The following COL24A1 variants were observed in gnomAD, a reference collection of about 807,000 sequenced individuals.
COL24A1 encodes collagen type XXIV alpha 1 chain.
COL24A1 carries 224 observed loss-of-function variants against 253.9 expected under a neutral mutation model. That is an observed-to-expected ratio of 0.88 (90% confidence interval 0.79 to 0.99). COL24A1 has a LOEUF of 0.99. Among genes scored for constraint, COL24A1 ranks in the 50% least tolerant of loss-of-function variants. COL24A1 has a pLI of 0.00. For synonymous variants in COL24A1, 685 were observed against 673.7 expected, an observed-to-expected ratio of 1.02 and a Z score of -0.26; for missense variants, 2,131 against 2,068.5, an observed-to-expected ratio of 1.03 and a Z score of -0.59.
chr1:85,913,362 C>T (rs1685559052), intron 24 of COL24A1, among the ~76,000 whole-genome samples: 2 of 152,070 alleles, frequency 1.3e-5, no homozygotes, highest in Admixed American at 6.6e-5. Flanking sequence ...AATCAGTGTC[C>T]AATATATGGT....
At chr1:85,889,732 T>C (rs773378874) in intron 31 of COL24A1, 119 bp from the exon 32 acceptor site, 305 of 167,432 alleles carry the variant, frequency 1.8e-3, no homozygotes, top group Non-Finnish European at 3.0e-3. Context: ...ATTGCTATTC[T>C]TTTTTTTTTT....
chr1:85,988,593 A>AAAGTAAAAG (rs1286437143), intron 19 of COL24A1, among the ~76,000 whole-genome samples: 1 of 152,090 alleles, frequency 6.6e-6, no homozygotes. Flanking sequence ...GTGAAGGAAA[A>AAAGTAAAAG]AAGTAAAAGA....
intron 24 of COL24A1, among the ~76,000 whole-genome samples, chr1:85,955,571 A>C (rs1027049202): frequency 6.6e-6 from 1 of 152,236 alleles, no homozygotes; most frequent in African/African-American, 2.4e-5. Flanking sequence ...AATGCTACGC[A>C]CTACCTGCCT....
chr1:85,901,711 C>T (rs71654728), intron 28 of COL24A1, among the ~76,000 whole-genome samples: 5 of 147,906 alleles, frequency 3.4e-5, no homozygotes, highest in Non-Finnish European at 7.4e-5. Flanking sequence ...ACTCAGGAGT[C>T]TGAGACAGGA....
intron 24 of COL24A1, among the ~76,000 whole-genome samples, chr1:85,934,676 C>T (rs1256316663): frequency 1.3e-5 from 2 of 152,162 alleles, no homozygotes; most frequent in East Asian, 3.8e-4. Flanking sequence ...CAATCTATGG[C>T]TCTGATGGCT....
At chr1:86,072,373 C>T (rs1292346224) in intron 7 of COL24A1, among the ~76,000 whole-genome samples, 1 of 152,158 alleles carries the variant, frequency 6.6e-6, no homozygotes, top group Admixed American at 6.5e-5. Flanking sequence ...TTTCCCCTCA[C>T]AGTGTAAACA....
At chr1:85,986,264 C>T (rs1693714563) in intron 20 of COL24A1, among the ~76,000 whole-genome samples, 2 of 151,738 alleles carry the variant, frequency 1.3e-5, no homozygotes, top group Non-Finnish European at 3.0e-5. Flanking sequence ...CAATGGCTGC[C>T]ATGAGAGGCA....
chr1:85,862,690 CTG>C (rs975502998), intron 37 of COL24A1, among the ~76,000 whole-genome samples: 1 of 152,328 alleles, frequency 6.6e-6, no homozygotes, highest in Admixed American at 6.5e-5. Flanking sequence ...TATGATGAAA[CTG>C]TTCAGAATAA....
At chr1:86,112,888 T>G (rs565215790) in intron 4 of COL24A1, among the ~76,000 whole-genome samples, 7 of 152,350 alleles carry the variant, frequency 4.6e-5, no homozygotes, top group Middle Eastern at 3.4e-3. Context: ...AATTTCTTCA[T>G]GTAAAATTCA....
chr1:86,032,659 A>G (rs1157973800), intron 13 of COL24A1, among the ~76,000 whole-genome samples: 2 of 152,050 alleles, frequency 1.3e-5, no homozygotes, highest in South Asian at 2.1e-4. Flanking sequence ...CTTTTTTTGC[A>G]TTTCAAATTC....
intron 24 of COL24A1, among the ~76,000 whole-genome samples, chr1:85,945,024 T>TTGTTTTG (rs1689189026): frequency 8.7e-6 from 1 of 115,194 alleles, no homozygotes. Flanking sequence ...TTTTTTTTTT[T>TTGTTTTG]TTTTTTTTTT....
intron 24 of COL24A1, among the ~76,000 whole-genome samples, chr1:85,945,857 T>C (rs544889912): frequency 3.9e-5 from 6 of 152,250 alleles, no homozygotes; most frequent in African/African-American, 7.2e-5. Context: ...GAAGATACGA[T>C]ATAATTCCTC....
chr1:86,139,482 T>C (rs1557791806), intron 2 of COL24A1, among the ~76,000 whole-genome samples: 2 of 152,190 alleles, frequency 1.3e-5, no homozygotes. Flanking sequence ...AGAAGAATTG[T>C]ACTATTATGT....
intron 47 of COL24A1, among the ~76,000 whole-genome samples, chr1:85,802,070 C>G (rs12088397): frequency 0.021 from 3,244 of 152,242 alleles, 104 homozygotes; most frequent in African/African-American, 0.075. Context: ...ACCGTGAACA[C>G]CTATAGCCTG....
intron 7 of COL24A1, among the ~76,000 whole-genome samples, chr1:86,076,637 A>G (rs1337194872): frequency 6.6e-6 from 1 of 152,228 alleles, no homozygotes; most frequent in Non-Finnish European, 1.5e-5. Flanking sequence ...CTGACTTCAA[A>G]CTATACTATA....
At chr1:85,865,102 C>T (rs1322047263) in intron 37 of COL24A1, among the ~76,000 whole-genome samples, 2 of 151,570 alleles carry the variant, frequency 1.3e-5, no homozygotes, top group African/African-American at 4.9e-5. Context: ...CTTTATTTTT[C>T]AATCCAGATC....
chr1:85,760,009 G>C (rs430956), intron 55 of COL24A1, among the ~76,000 whole-genome samples: 135,526 of 152,174 alleles, frequency 0.89, 61,116 homozygotes, highest in Non-Finnish European at 0.97. Context: ...CAGGAGGAAA[G>C]GAAGAATAAA....
chr1:86,141,427 G>A (rs1165201266), intron 2 of COL24A1, among the ~76,000 whole-genome samples: 2 of 152,162 alleles, frequency 1.3e-5, no homozygotes, highest in African/African-American at 4.8e-5. Flanking sequence ...TCTGTATTGA[G>A]AAGGGATTTG....
chr1:85,825,193 G>T (rs955386906), intron 43 of COL24A1, among the ~76,000 whole-genome samples: 2 of 150,920 alleles, frequency 1.3e-5, no homozygotes, highest in South Asian at 2.1e-4. Context: ...TTGTTCTTGC[G>T]ATAGCTGACT....
Sources: allele counts gnomAD v4.1 joint callset (sites outside exome capture counted in the v4.1 genomes callset), GRCh38; gene constraint gnomAD v4.1.1; transcripts MANE v1.5; gene names NCBI Gene and HGNC (gene_info 2026-07-23, HGNC 2026-07-21).